The following RBFOX1 variants were observed in gnomAD, a reference collection of about 807,000 sequenced individuals.
RBFOX1 encodes RNA binding fox-1 homolog 1.
RBFOX1 carries 8 observed loss-of-function variants against 57.7 expected under a neutral mutation model. That is an observed-to-expected ratio of 0.14 (90% CI 0.08 to 0.25). The LOEUF is 0.25. Among genes scored for constraint, RBFOX1 ranks in the 10% least tolerant of loss-of-function variants. RBFOX1 has a pLI of 1.00. For missense variants in RBFOX1, 611 were observed against 548.5 expected, an observed-to-expected ratio of 1.11 and a Z score of -1.14; for synonymous variants, 326 against 222.4, an observed-to-expected ratio of 1.47 and a Z score of -4.15.
chr16:5,881,056 T>TA (rs2057749190), intron 4 of RBFOX1, among the ~76,000 whole-genome samples: 1 of 152,204 alleles, frequency 6.6e-6, no homozygotes, highest in Non-Finnish European at 1.5e-5. Context: ...GTCTTATATT[T>TA]AAAGGGAGTG....
Position 5,289,420 on chromosome 16 carries a change from C to T in RBFOX1, c.219+49315C>T, listed in dbSNP as rs1163236733. Reference sequence around the variant, plus strand: ...GGTGCTGCCATCATACCGAGATGTGCGAGAAGTATCAAATACACATTAGAT... The same window carrying T: ...GGTGCTGCCATCATACCGAGATGTGTGAGAAGTATCAAATACACATTAGAT... On this transcript the variant is annotated intron_variant, in intron 1 of 2. Transcript: ENST00000585867. The T allele has an allele frequency of 1.7e-5, 5 of 295,316 alleles. No individual in the cohort carries two copies. The South Asian group carries it at 2.0e-4, about 12-fold the overall frequency. 18.3% of individuals were successfully genotyped at this position (295,316 alleles called of 1,614,324 possible). A position where few individuals can be genotyped will look rare whatever the true frequency, so the allele number is the denominator to read the frequency against.
chr16:6,978,746 G>C (rs572715847), intron 3 of RBFOX1, among the ~76,000 whole-genome samples: 3 of 152,200 alleles, frequency 2.0e-5, no homozygotes, highest in Non-Finnish European at 4.4e-5. Flanking sequence ...AGAAGGATTC[G>C]AACCCCAGAT....
intron 2 of RBFOX1, among the ~76,000 whole-genome samples, chr16:6,606,665 C>A (rs1206103623): frequency 6.6e-6 from 1 of 152,108 alleles, no homozygotes; most frequent in African/African-American, 2.4e-5. Context: ...CCAGTTCCAT[C>A]CATGTCCCTG....
chr16:7,695,753 C>T lies in RBFOX1; in HGVS notation c.996-13303C>T, dbSNP rs1481648051. Among the ~76,000 whole-genome samples the T allele has an allele frequency of 2.6e-5, 4 of 151,348 alleles. No individual in the cohort carries two copies. The South Asian group carries it at 6.3e-4, about 24-fold the overall frequency. On this transcript the variant is annotated intron_variant, in intron 14 of 15. Transcript: ENST00000550418. The stretch of plus-strand genomic sequence containing the variant: ...CTCCTTATAAAAACATTTATTAGAG[C>T]AGGTGTATTGAATCCTGCTATCTAC...
At position 6,639,774 on chromosome 16, in the gene RBFOX1, G is replaced by C. The variant is rs921003156; in HGVS notation, c.-63-14829G>C. On this transcript the variant is annotated intron_variant, in intron 2 of 15. Transcript: ENST00000550418. ...GGCGCCTGTAGTCCCAGCTACTCGG[G>C]AGGCTGAGGCAGGAGAATGGTGTGA... Among the ~76,000 whole-genome samples, 4 of 152,114 alleles carry C rather than the reference G, an allele frequency of 2.6e-5. No individual in the cohort carries two copies. In the South Asian group the frequency reaches 8.3e-4, roughly 31 times the overall value.
At chr16:6,960,847 C>T (rs1384315869) in intron 3 of RBFOX1, among the ~76,000 whole-genome samples, 2 of 151,846 alleles carry the variant, frequency 1.3e-5, no homozygotes, top group Non-Finnish European at 2.9e-5. Context: ...GATTAAATGC[C>T]TCAGGTCCGG....
At chr16:5,343,122 T>G (rs919917187) in intron 1 of RBFOX1, among the ~76,000 whole-genome samples, 2 of 152,102 alleles carry the variant, frequency 1.3e-5, no homozygotes, top group African/African-American at 4.8e-5. Context: ...CCAGTAGACA[T>G]CAGTAAGGAA....
intron 3 of RBFOX1, among the ~76,000 whole-genome samples, chr16:6,795,413 C>T (rs2083777840): frequency 6.6e-6 from 1 of 151,860 alleles, no homozygotes; most frequent in Non-Finnish European, 1.5e-5. Flanking sequence ...GTTTTGTCCT[C>T]AAGTTAAATT....
At chr16:7,478,768 A>G (rs1646666361) in intron 4 of RBFOX1, among the ~76,000 whole-genome samples, 1 of 152,202 alleles carries the variant, frequency 6.6e-6, no homozygotes, top group East Asian at 1.9e-4. Flanking sequence ...TTATTGCTGG[A>G]TTTGTATGCT....
At chr16:7,488,601 T>C (rs2066053209) in intron 4 of RBFOX1, among the ~76,000 whole-genome samples, 1 of 152,170 alleles carries the variant, frequency 6.6e-6, no homozygotes, top group Admixed American at 6.5e-5. Flanking sequence ...TATCTATACG[T>C]TCATCCGTTA....
chr16:6,544,241 G>C (rs992280451), intron 2 of RBFOX1, among the ~76,000 whole-genome samples: 1 of 152,180 alleles, frequency 6.6e-6, no homozygotes, highest in South Asian at 2.1e-4. Flanking sequence ...TGGGGAAAGA[G>C]GTACTTCTTG....
At chr16:6,650,961 G>A (rs1389081541) in intron 2 of RBFOX1, among the ~76,000 whole-genome samples, 1 of 152,146 alleles carries the variant, frequency 6.6e-6, no homozygotes, top group Non-Finnish European at 1.5e-5. Flanking sequence ...GAAGTGCAAT[G>A]GCATGATCCC....
intron 4 of RBFOX1, among the ~76,000 whole-genome samples, chr16:7,483,575 G>T (rs1159990612): frequency 1.3e-5 from 2 of 152,176 alleles, no homozygotes; most frequent in Non-Finnish European, 2.9e-5. Context: ...CTGCCTGAGG[G>T]TGGAGGTTTG....
intron 2 of RBFOX1, among the ~76,000 whole-genome samples, chr16:6,478,402 TATATATATATATATATATATATATATA>T (rs1264827407): frequency 2.6e-3 from 29 of 11,272 alleles, no homozygotes; most frequent in African/African-American, 8.8e-3. Flanking sequence ...TATATATATA[TATATATATATATATATATATATATATA>T]TTTTTTTTTT....
At chr16:6,704,244 A>G (rs2062332412) in intron 3 of RBFOX1, 1 of 152,268 alleles carries the variant, frequency 6.6e-6, no homozygotes. Context: ...AGTAAGTGGC[A>G]GAACTGCAAA....
chr16:7,699,265 C>A (rs2079843715), intron 14 of RBFOX1, among the ~76,000 whole-genome samples: 1 of 83,292 alleles, frequency 1.2e-5, no homozygotes, highest in African/African-American at 3.9e-5. Context: ...ATCTTAGCTT[C>A]CTGTAATCCT....
chr16:7,220,001 G>A (rs148755338), intron 4 of RBFOX1, among the ~76,000 whole-genome samples: 1 of 152,118 alleles, frequency 6.6e-6, no homozygotes, highest in Non-Finnish European at 1.5e-5. Context: ...TGTTAATGTG[G>A]TGTATCTTGT....
At chr16:6,554,170 A>T (rs1422884535) in intron 2 of RBFOX1, among the ~76,000 whole-genome samples, 3 of 152,230 alleles carry the variant, frequency 2.0e-5, no homozygotes, top group African/African-American at 7.2e-5. Context: ...CATCTTACAT[A>T]TGTGGTAGCT....
chr16:6,993,816 G>C (rs2091876235), intron 3 of RBFOX1, among the ~76,000 whole-genome samples: 2 of 152,182 alleles, frequency 1.3e-5, no homozygotes, highest in African/African-American at 4.8e-5. Flanking sequence ...GCATTTGATA[G>C]TATGCTTGCA....
Sources: gnomAD v4.1 joint callset for allele counts (sites outside exome capture counted in the v4.1 genomes callset) on GRCh38, gnomAD v4.1.1 for gene constraint, MANE v1.5 for transcripts, NCBI Gene and HGNC (gene_info 2026-07-23, HGNC 2026-07-21) for gene names.